VPS13B: variants seen among roughly 807,000 people sequenced by gnomAD.
VPS13B encodes the protein intermembrane lipid transfer protein VPS13B.
A neutral mutation model predicts 426.4 loss-of-function variants in VPS13B; 285 were observed. The observed-to-expected ratio is 0.67, with a 90% CI of 0.61 to 0.74. The LOEUF (loss-of-function observed/expected upper bound fraction) is 0.74, where lower values mean the gene tolerates loss of function less well. VPS13B is among the 30% of genes least tolerant of loss of function. The pLI, the probability that VPS13B is intolerant of heterozygous loss-of-function variation, is 0.00. For missense variants in VPS13B, 4,537 were observed against 4,782.6 expected (o/e 0.95, Z 1.51); for synonymous variants, 1,676 against 1,676.4 (o/e 1.00, Z 0.01).
intron 19 of VPS13B, among the ~76,000 whole-genome samples, chr8:99,276,310 T>C (rs758356321): frequency 6.6e-6 from 1 of 152,108 alleles, no homozygotes; most frequent in Non-Finnish European, 1.5e-5. Context: ...GTCAGCATGC[T>C]TCAAAGGACA....
chr8:99,563,276 A>G (rs950509469), intron 31 of VPS13B, among the ~76,000 whole-genome samples: 2 of 152,222 alleles, frequency 1.3e-5, no homozygotes, highest in African/African-American at 4.8e-5. Flanking sequence ...TTATTCTAGT[A>G]TATGTCCTGT....
chr8:99,176,934 A>G (rs1344372422), intron 16 of VPS13B, among the ~76,000 whole-genome samples: 4 of 152,198 alleles, frequency 2.6e-5, no homozygotes, highest in Non-Finnish European at 2.9e-5. Flanking sequence ...AGAGAACAGG[A>G]GAAGTACTTT....
In VPS13B at chr8:99,132,872, A is replaced by G. The variant is rs148622438; in HGVS notation, c.1207-1760A>G. On this transcript the variant is annotated intron_variant, in intron 8 of 61. Transcript: ENST00000357162. The stretch of plus-strand genomic sequence containing the variant: ...AAAGTATTTAGTAAACCATGCCATA[A>G]ACAGATGTACTGTCATTCAGTCATT... Among the ~76,000 whole-genome samples, 16 of 152,290 alleles carry G rather than the reference A, an allele frequency of 1.1e-4. No individual in the cohort carries two copies. The East Asian group carries it at 2.7e-3, about 26-fold the overall frequency.
intron 49 of VPS13B, 45 bp downstream of exon 49, chr8:99,820,167 A>G: frequency 6.4e-7 from 1 of 1,573,216 alleles, no homozygotes; most frequent in Non-Finnish European, 8.7e-7. Context: ...TCTCTCAACA[A>G]GTAGATTTTA....
rs1308943049 is a variant in VPS13B, at chr8:99,877,563, A to AAGTT, written c.*1899_*1902dup. 2.0e-5 allele frequency: 3 copies of AAGTT among 152,332 alleles called. No homozygotes were observed. Among genetic ancestry groups the AAGTT allele is most frequent in the Non-Finnish European group, 4.4e-5 (3 of 68,038 alleles). 9.4% of individuals were successfully genotyped at this position (152,332 alleles called of 1,614,324 possible). A position where few individuals can be genotyped will look rare whatever the true frequency, so the allele number is the denominator to read the frequency against. Reference sequence around the variant, plus strand: ...GTAATATACAGGTTTTGTTATAATAAAGTTACTGATTAAATTAGCTTTGAA... The same window carrying AAGTT: ...GTAATATACAGGTTTTGTTATAATAAAGTTAGTTACTGATTAAATTAGCTTTGAA... On this transcript the variant is annotated 3_prime_UTR_variant, in exon 62 of 62. Coordinates refer to ENST00000357162, the MANE Select transcript of VPS13B (RefSeq NM_152564.5).
intron 31 of VPS13B, among the ~76,000 whole-genome samples, chr8:99,564,992 T>G (rs1825114593): frequency 6.6e-6 from 1 of 152,370 alleles, no homozygotes; most frequent in South Asian, 2.1e-4. Context: ...AATGTACTGA[T>G]GTCTGCCATG....
chr8:99,436,878 A>G (rs1817407573), intron 22 of VPS13B, among the ~76,000 whole-genome samples: 1 of 152,030 alleles, frequency 6.6e-6, no homozygotes, highest in Admixed American at 6.6e-5. Context: ...AGCTGGGACT[A>G]CAGGTGCCCG....
intron 39 of VPS13B, among the ~76,000 whole-genome samples, chr8:99,725,411 A>T (rs891050833): frequency 3.9e-5 from 6 of 152,278 alleles, no homozygotes; most frequent in Admixed American, 2.6e-4. Flanking sequence ...TATGAGCGCA[A>T]ACCCTATTGT....
chr8:99,873,708 C>T (rs931775496), intron 61 of VPS13B, among the ~76,000 whole-genome samples: 2 of 152,196 alleles, frequency 1.3e-5, no homozygotes, highest in Non-Finnish European at 2.9e-5. Flanking sequence ...ACTCAAGCTG[C>T]AGAGCGTCTT....
chr8:99,474,183 A>ATGTTTTTTTTTTTT (rs1819563507), intron 24 of VPS13B, among the ~76,000 whole-genome samples: 1 of 124,994 alleles, frequency 8.0e-6, no homozygotes, highest in Admixed American at 8.6e-5. Context: ...CTGTTATCCA[A>ATGTTTTTTTTTTTT]TTTTTTTTTT....
intron 25 of VPS13B, among the ~76,000 whole-genome samples, chr8:99,489,855 A>C (rs1389732865): frequency 6.6e-6 from 1 of 152,144 alleles, no homozygotes; most frequent in Non-Finnish European, 1.5e-5. Flanking sequence ...GCAAACAAGG[A>C]CAATTTGACT....
In VPS13B at chr8:99,289,337, T is replaced by C. The variant is rs544991124; in HGVS notation, c.2824+14083T>C. 1.1e-4 allele frequency among the ~76,000 whole-genome samples: 16 copies of C among 152,240 alleles called. No individual in the cohort carries two copies. In the East Asian group the frequency reaches 2.7e-3, roughly 26 times the overall value. On this transcript the variant is annotated intron_variant, in intron 19 of 61. Transcript: ENST00000357162. The stretch of plus-strand genomic sequence containing the variant: ...TATATATACTTCTGTAGAGACACTA[T>C]CAAAGTATTTTTCAGTGTATCTATA...
At chr8:99,786,605 G>A (rs1020140206) in intron 43 of VPS13B, among the ~76,000 whole-genome samples, 1 of 152,128 alleles carries the variant, frequency 6.6e-6, no homozygotes, top group African/African-American at 2.4e-5. Context: ...AATAATAGGA[G>A]CTTCTTAATC....
chr8:99,361,644 T>G (rs1163773604), intron 19 of VPS13B, among the ~76,000 whole-genome samples: 1 of 152,204 alleles, frequency 6.6e-6, no homozygotes. Context: ...CAGGACACAC[T>G]GAGTCTTTTC....
chr8:99,506,966 T>C (rs1156768767), intron 27 of VPS13B, among the ~76,000 whole-genome samples, 171 bp from the exon 28 acceptor site: 1 of 152,328 alleles, frequency 6.6e-6, no homozygotes, highest in East Asian at 1.9e-4. Context: ...TATGCAGAAC[T>C]GTCAGAGTGC....
chr8:99,623,622 ATAT>A (rs1828463520), intron 33 of VPS13B, among the ~76,000 whole-genome samples: 1 of 152,138 alleles, frequency 6.6e-6, no homozygotes, highest in African/African-American at 2.4e-5. Context: ...TGAGGAGGTA[ATAT>A]TATGCTGCTT....
At chr8:99,134,891 A>G (rs1293185366) in intron 9 of VPS13B, 124 bp from the exon 10 acceptor site, 4 of 1,274,726 alleles carry the variant, frequency 3.1e-6, no homozygotes, top group South Asian at 1.3e-5. Flanking sequence ...TAAATAGTAT[A>G]GAATAAATTT....
intron 17 of VPS13B, among the ~76,000 whole-genome samples, chr8:99,236,377 G>A (rs995345157): frequency 3.3e-5 from 5 of 152,060 alleles, no homozygotes; most frequent in African/African-American, 1.2e-4. Context: ...AGTCTCCTGA[G>A]TAGCTGGGAT....
chr8:99,072,880 T>C (rs117140178), intron 3 of VPS13B, among the ~76,000 whole-genome samples: 2,305 of 152,304 alleles, frequency 0.015, 32 homozygotes, highest in Middle Eastern at 0.041. Flanking sequence ...GTGTTCTTGG[T>C]TCCTTTGTCA....
Sources: gnomAD v4.1 joint callset for allele counts (sites outside exome capture counted in the v4.1 genomes callset) on GRCh38, gnomAD v4.1.1 for gene constraint, MANE v1.5 for transcripts, NCBI Gene and HGNC (gene_info 2026-07-23, HGNC 2026-07-21) for gene names.